Variants in PPM1H observed in about 807,000 individuals in gnomAD.
The protein encoded by PPM1H is protein phosphatase, Mg2+/Mn2+ dependent 1H.
In PPM1H, 27 loss-of-function variants were observed where a neutral mutation model predicts 54.9. The observed-to-expected ratio is 0.49, with a 90% CI of 0.36 to 0.68. The LOEUF is 0.68. PPM1H is among the 30% of genes least tolerant of loss of function. The pLI is 0.00. For missense variants in PPM1H, 596 were observed against 667.8 expected, an observed-to-expected ratio of 0.89 and a Z score of 1.19; for synonymous variants, 305 against 270.8, an observed-to-expected ratio of 1.13 and a Z score of -1.24.
intron 1 of PPM1H, among the ~76,000 whole-genome samples, chr12:62,913,534 T>C (rs1366520430): frequency 6.6e-6 from 1 of 152,172 alleles, no homozygotes; most frequent in Non-Finnish European, 1.5e-5. Flanking sequence ...GGCTGCTTTA[T>C]GGTTCAGCTC....
chr12:62,752,910 A>G (rs2076449843), intron 4 of PPM1H, among the ~76,000 whole-genome samples: 1 of 152,194 alleles, frequency 6.6e-6, no homozygotes, highest in African/African-American at 2.4e-5. Flanking sequence ...AGGAGAGACG[A>G]GCAGAAGAGT....
intron 9 of PPM1H, among the ~76,000 whole-genome samples, chr12:62,651,526 A>G (rs1244864380): frequency 6.6e-6 from 1 of 152,204 alleles, no homozygotes; most frequent in Non-Finnish European, 1.5e-5. Context: ...AGCAAGGATT[A>G]GGTCACCTAG....
chr12:62,728,146 G>T (rs1217865470), intron 5 of PPM1H, among the ~76,000 whole-genome samples: 1 of 152,142 alleles, frequency 6.6e-6, no homozygotes, highest in Admixed American at 6.5e-5. Context: ...ATATCACCTG[G>T]GGGAAAAAGC....
chr12:62,792,879 T>C (rs1403448299), intron 3 of PPM1H, among the ~76,000 whole-genome samples: 3 of 152,208 alleles, frequency 2.0e-5, no homozygotes, highest in African/African-American at 7.2e-5. Context: ...ATATATTAAG[T>C]CAATAAAGAT....
intron 8 of PPM1H, among the ~76,000 whole-genome samples, chr12:62,688,530 A>G (rs2076066279): frequency 6.6e-6 from 1 of 152,238 alleles, no homozygotes; most frequent in Non-Finnish European, 1.5e-5. Flanking sequence ...TAAATGATAT[A>G]TCCAGAAAGT....
chr12:62,721,352 G>A (rs1252209844), intron 5 of PPM1H, among the ~76,000 whole-genome samples: 1 of 152,178 alleles, frequency 6.6e-6, no homozygotes, highest in African/African-American at 2.4e-5. Context: ...TCACCAGGCT[G>A]GTCATATTTG....
chr12:62,893,821 A>G lies in PPM1H; in HGVS notation c.245+40671T>C, dbSNP rs141480316. ...TCTGAATTACCTCTTTAAAGGCCCT[A>G]TCTCCAAATATAGTCACATTCTGAG... On this transcript the variant is annotated intron_variant, in intron 1 of 9. Transcript: ENST00000228705. 1.0e-3 allele frequency among the ~76,000 whole-genome samples: 159 copies of G among 152,248 alleles called. 1 individual carries two copies. The highest frequency in any genetic ancestry group is 3.8e-3 in the African/African-American group (156 of 41,538).
intron 3 of PPM1H, among the ~76,000 whole-genome samples, chr12:62,792,285 C>T (rs920372047): frequency 1.3e-5 from 2 of 152,178 alleles, no homozygotes; most frequent in Non-Finnish European, 2.9e-5. Flanking sequence ...CATTTAACCC[C>T]TTGGTATTAT....
intron 9 of PPM1H, among the ~76,000 whole-genome samples, chr12:62,658,054 T>TAAAA (rs1397988204): frequency 7.0e-5 from 2 of 28,608 alleles, no homozygotes; most frequent in African/African-American, 1.3e-4. Flanking sequence ...AAATCCAGGT[T>TAAAA]ACAAAAAAAA....
At chr12:62,892,643 A>G (rs928132291) in intron 1 of PPM1H, among the ~76,000 whole-genome samples, 41 of 152,308 alleles carry the variant, frequency 2.7e-4, no homozygotes, top group African/African-American at 9.1e-4. Flanking sequence ...ACTAAACTCA[A>G]TATGTGTTTA....
rs527535394 is a variant in PPM1H, at chr12:62,915,881, G to A, written c.245+18611C>T. Among the ~76,000 whole-genome samples the A allele has an allele frequency of 2.6e-5, 4 of 152,274 alleles. No homozygotes were observed. The South Asian group carries it at 6.2e-4, about 24-fold the overall frequency. Reference sequence around the variant, plus strand: ...ATTTTTCTAATTCCCAGAAATAGCCGCTTTCAAACCGTCATGACCTTCCTC... The same window carrying A: ...ATTTTTCTAATTCCCAGAAATAGCCACTTTCAAACCGTCATGACCTTCCTC... On this transcript the variant is annotated intron_variant, in intron 1 of 9. Coordinates refer to ENST00000228705, the MANE Select transcript of PPM1H (RefSeq NM_020700.2).
chr12:62,749,579 T>C (rs569708025), intron 4 of PPM1H, among the ~76,000 whole-genome samples: 219 of 152,298 alleles, frequency 1.4e-3, no homozygotes, highest in Non-Finnish European at 2.5e-3. Flanking sequence ...ACTCTGTAGA[T>C]GCTAATTAAT....
intron 8 of PPM1H, among the ~76,000 whole-genome samples, chr12:62,681,646 T>C (rs1403858416): frequency 6.6e-6 from 1 of 152,216 alleles, no homozygotes; most frequent in African/African-American, 2.4e-5. Context: ...TATCTCTTTT[T>C]CTTTAGATGA....
intron 2 of PPM1H, among the ~76,000 whole-genome samples, chr12:62,829,428 G>A (rs1868327048): frequency 6.6e-6 from 1 of 152,168 alleles, no homozygotes; most frequent in Admixed American, 6.5e-5. Context: ...GATGATGAGG[G>A]TGATGGTTGT....
intron 1 of PPM1H, among the ~76,000 whole-genome samples, chr12:62,895,191 G>A (rs1447878865): frequency 3.3e-5 from 5 of 152,176 alleles, no homozygotes; most frequent in African/African-American, 1.2e-4. Flanking sequence ...TCACCAGCGG[G>A]ACTTAGCACT....
At chr12:62,769,090 G>C (rs2076562887) in intron 4 of PPM1H, among the ~76,000 whole-genome samples, 1 of 152,168 alleles carries the variant, frequency 6.6e-6, no homozygotes, top group African/African-American at 2.4e-5. Context: ...GAGAGTTCTT[G>C]CAGAAATGTT....
intron 1 of PPM1H, among the ~76,000 whole-genome samples, chr12:62,889,121 C>T (rs1383324114): frequency 2.0e-5 from 3 of 152,112 alleles, no homozygotes; most frequent in Non-Finnish European, 4.4e-5. Flanking sequence ...CACTTCCATT[C>T]CACAGTCAGA....
At chr12:62,756,989 C>T (rs981088616) in intron 4 of PPM1H, among the ~76,000 whole-genome samples, 2 of 152,258 alleles carry the variant, frequency 1.3e-5, no homozygotes, top group South Asian at 2.1e-4. Flanking sequence ...ACACTCAATG[C>T]TATGACTGGT....
chr12:62,825,894 A>T (rs1316462098), intron 2 of PPM1H, among the ~76,000 whole-genome samples: 4 of 151,882 alleles, frequency 2.6e-5, no homozygotes, highest in Non-Finnish European at 5.9e-5. Context: ...AAAAAAAAAT[A>T]ATAAAATGCC....
Sources: gnomAD v4.1 joint callset for allele counts (sites outside exome capture counted in the v4.1 genomes callset) on GRCh38, gnomAD v4.1.1 for gene constraint, MANE v1.5 for transcripts, NCBI Gene and HGNC (gene_info 2026-07-23, HGNC 2026-07-21) for gene names.